The following MAGI3 variants were observed in gnomAD, a reference collection of about 807,000 sequenced individuals.
The protein encoded by MAGI3 is membrane-associated guanylate kinase, WW and PDZ domain-containing protein 3.
In MAGI3, 43 loss-of-function variants were observed where a neutral mutation model predicts 121.8. The ratio of observed to expected loss-of-function variants is 0.35; its 90% CI spans 0.28 to 0.46. The LOEUF is 0.46. Ranked by LOEUF, MAGI3 falls within the 20% of genes least tolerant of loss-of-function variation. The pLI is 1.00. For missense variants in MAGI3, 1,547 were observed against 1,797.3 expected, an observed-to-expected ratio of 0.86 and a Z score of 2.52; for synonymous variants, 553 against 639.3, an observed-to-expected ratio of 0.86 and a Z score of 2.04.
At chr1:113,630,161 A>T (rs1651534772) in intron 9 of MAGI3, among the ~76,000 whole-genome samples, 1 of 152,126 alleles carries the variant, frequency 6.6e-6, no homozygotes. Context: ...CATTCAAACC[A>T]CAAGACAGAC....
In MAGI3 at chr1:113,614,633, CCTCAGTATGGGA is replaced by C; in HGVS notation, c.1053_1064del (p.Gln352_Thr355del). The C allele has an allele frequency of 1.9e-6, 3 of 1,608,898 alleles. No individual in the cohort carries two copies. Among genetic ancestry groups the C allele is most frequent in the Non-Finnish European group, 1.7e-6 (2 of 1,177,164 alleles). ...TTATGGCTGGGAGAAAATAGAGGAC[CCTCAGTATGGGA>C]CATACTATGTTGAGTAAGTTTGTTA... On this transcript the variant is annotated inframe_deletion, in exon 7 of 21. Transcript: ENST00000307546.
At chr1:113,420,000 G>T (rs1480420247) in intron 1 of MAGI3, among the ~76,000 whole-genome samples, 2 of 152,132 alleles carry the variant, frequency 1.3e-5, no homozygotes, top group African/African-American at 4.8e-5. Flanking sequence ...AAGGATCTTT[G>T]TGATGATACT....
At position 113,622,809 on chromosome 1, in the gene MAGI3, T is replaced by C. The variant is rs370838779; in HGVS notation, c.1175T>C (p.Met392Thr). Residue 392 changes from methionine to threonine, a missense_variant, in exon 9 of 21, where the codon ATG (methionine) becomes ACG (threonine). By Grantham distance (81) the Met-to-Thr change is moderately conservative. Transcript: ENST00000307546. ...QVEIGSSKPD[M>T]EKSHFTRDPS... is the part of the protein sequence containing the mutation. ...CCCACTTCTCATTTTGGCACAGATATGGAAAAATCACACTTCACAAGAGAT... is the reference window on the plus strand; with the variant it reads ...CCCACTTCTCATTTTGGCACAGATACGGAAAAATCACACTTCACAAGAGAT... 515 of 1,571,510 alleles carry C rather than the reference T, an allele frequency of 3.3e-4. No individual in the cohort carries two copies. Among genetic ancestry groups the C allele is most frequent in the South Asian group, 1.4e-3 (118 of 81,752 alleles).
At chr1:113,559,385 A>G (rs1660129709) in intron 2 of MAGI3, among the ~76,000 whole-genome samples, 1 of 152,228 alleles carries the variant, frequency 6.6e-6, no homozygotes, top group Admixed American at 6.5e-5. Context: ...GAAAAAAGCA[A>G]TTCTAGTTTC....
At chr1:113,638,679 G>T (rs1340769750) in intron 9 of MAGI3, among the ~76,000 whole-genome samples, 1 of 152,192 alleles carries the variant, frequency 6.6e-6, no homozygotes, top group African/African-American at 2.4e-5. Context: ...CAGGGGTCAG[G>T]GGTCAGGGAC....
At chr1:113,442,932 A>T (rs1653992479) in intron 1 of MAGI3, among the ~76,000 whole-genome samples, 1 of 152,136 alleles carries the variant, frequency 6.6e-6, no homozygotes, top group Non-Finnish European at 1.5e-5. Flanking sequence ...ATTTGCCCTC[A>T]GTTTATATTA....
At position 113,582,876 on chromosome 1, in the gene MAGI3, G is replaced by A. The variant is rs146691671; in HGVS notation, c.553+2215G>A. On this transcript the variant is annotated intron_variant, in intron 3 of 20. Transcript: ENST00000307546. Reference sequence around the variant, plus strand: ...AATACATGTACATATACTTATATAAGTAAATTTTATATAGATATTTCTAAT... The same window carrying A: ...AATACATGTACATATACTTATATAAATAAATTTTATATAGATATTTCTAAT... Among the ~76,000 whole-genome samples, 1,051 of 151,614 alleles carry A rather than the reference G, an allele frequency of 6.9e-3. 6 individuals carry two copies. Among genetic ancestry groups the A allele is most frequent in the Non-Finnish European group, 0.012 (791 of 67,840 alleles).
chr1:113,427,850 G>A (rs1310641963), intron 1 of MAGI3, among the ~76,000 whole-genome samples: 1 of 152,122 alleles, frequency 6.6e-6, no homozygotes, highest in South Asian at 2.1e-4. Flanking sequence ...AGAAATACAT[G>A]TATATAACTA....
chr1:113,507,070 G>A (rs994036250), intron 1 of MAGI3, among the ~76,000 whole-genome samples: 3 of 152,078 alleles, frequency 2.0e-5, no homozygotes, highest in Non-Finnish European at 2.9e-5. Flanking sequence ...TAAGTACATA[G>A]TTAGATGAAC....
chr1:113,504,632 C>G (rs1032243347), intron 1 of MAGI3, among the ~76,000 whole-genome samples: 4 of 152,010 alleles, frequency 2.6e-5, no homozygotes, highest in Admixed American at 2.6e-4. Flanking sequence ...TATTTTATCT[C>G]TTTTTTGGAA....
chr1:113,586,801 C>A (rs1385758019), intron 4 of MAGI3, among the ~76,000 whole-genome samples: 1 of 152,118 alleles, frequency 6.6e-6, no homozygotes. Context: ...AGAAAATGTT[C>A]TTTTTTTACT....
chr1:113,390,928 C>T lies in MAGI3; in HGVS notation c.-106C>T, dbSNP rs1337983303. 1.3e-5 allele frequency: 12 copies of T among 924,664 alleles called. No homozygotes were observed. In the South Asian group the frequency reaches 3.4e-4, roughly 26 times the overall value. The allele number at this position is 924,664 out of a possible 1,614,324, so 57.3% of individuals were successfully genotyped here. ...TGGGGGCCGGAGCGGCGAGGCCCCC[C>T]TTACCGGGCTGCGCGGGCCGCCCAG... On this transcript the variant is annotated 5_prime_UTR_variant, in exon 1 of 21. Transcript: ENST00000307546.
chr1:113,423,802 A>C (rs1652855512), intron 1 of MAGI3, among the ~76,000 whole-genome samples: 1 of 152,116 alleles, frequency 6.6e-6, no homozygotes, highest in Non-Finnish European at 1.5e-5. Flanking sequence ...CCCGCCTGGG[A>C]ATCTGTCTGC....
intron 1 of MAGI3, among the ~76,000 whole-genome samples, chr1:113,524,033 C>T (rs1470627457): frequency 2.0e-5 from 3 of 152,088 alleles, no homozygotes; most frequent in East Asian, 3.9e-4. Flanking sequence ...AGGTACAGCT[C>T]GGGCCATGGC....
intron 1 of MAGI3, among the ~76,000 whole-genome samples, chr1:113,415,293 C>T (rs1321403691): frequency 6.6e-6 from 1 of 152,006 alleles, no homozygotes; most frequent in Non-Finnish European, 1.5e-5. Context: ...ATTGTCTATG[C>T]CATTGCTTTC....
At chr1:113,639,480 C>A (rs1425834196) in intron 9 of MAGI3, among the ~76,000 whole-genome samples, 1 of 152,226 alleles carries the variant, frequency 6.6e-6, no homozygotes, top group Non-Finnish European at 1.5e-5. Flanking sequence ...CGGCTCATTG[C>A]AACCTCCGCC....
chr1:113,473,286 GT>G (rs2101544184), intron 1 of MAGI3, among the ~76,000 whole-genome samples: 1 of 151,580 alleles, frequency 6.6e-6, no homozygotes, highest in African/African-American at 2.4e-5. Flanking sequence ...TATACTTTAA[GT>G]TCTAGAGTAC....
intron 1 of MAGI3, among the ~76,000 whole-genome samples, chr1:113,415,558 AAT>A (rs1401219598): frequency 2.0e-5 from 3 of 151,930 alleles, no homozygotes; most frequent in Admixed American, 2.0e-4. Flanking sequence ...CTCCAGCCCC[AAT>A]ATGATTCTTG....
intron 6 of MAGI3, among the ~76,000 whole-genome samples, chr1:113,613,019 A>T (rs1020569881): frequency 6.6e-6 from 1 of 152,156 alleles, no homozygotes; most frequent in Non-Finnish European, 1.5e-5. Context: ...GAAAATTTCT[A>T]TTAAAGAAAA....
Sources: gnomAD v4.1 joint callset for allele counts (sites outside exome capture counted in the v4.1 genomes callset) on GRCh38, gnomAD v4.1.1 for gene constraint, MANE v1.5 for transcripts, NCBI Gene and HGNC (gene_info 2026-07-23, HGNC 2026-07-21) for gene names.